Variants in MSRA observed in about 807,000 individuals in gnomAD.
MSRA encodes the protein mitochondrial peptide methionine sulfoxide reductase.
MSRA carries 54 observed loss-of-function variants against 31.3 expected under a neutral mutation model. The observed-to-expected ratio is 1.73, with a 90% CI of 1.39 to 2.17. The LOEUF is 2.17. Among genes scored for constraint, MSRA ranks in the 30% most tolerant of loss-of-function variants. The pLI is 0.00. For synonymous variants in MSRA, 169 were observed against 116.5 expected (o/e 1.45, Z -2.90); for missense variants, 507 against 300.9 (o/e 1.69, Z -5.07).
intron 5 of MSRA, chr8:10,337,011 G>A (rs1803090672): frequency 6.6e-6 from 1 of 152,134 alleles, no homozygotes; most frequent in African/African-American, 2.4e-5. Flanking sequence ...GAAAACAATG[G>A]TAAAGACCAC....
chr8:10,239,374 A>G (rs1249611549), intron 2 of MSRA, among the ~76,000 whole-genome samples: 1 of 152,170 alleles, frequency 6.6e-6, no homozygotes, highest in South Asian at 2.1e-4. Flanking sequence ...ATTGGCCAGG[A>G]TGGCCTCGAT....
At chr8:10,423,819 G>T (rs968346318) in intron 5 of MSRA, among the ~76,000 whole-genome samples, 3 of 152,204 alleles carry the variant, frequency 2.0e-5, no homozygotes, top group African/African-American at 7.2e-5. Flanking sequence ...TAGAGGAGGT[G>T]CTGGGTCTTG....
At chr8:10,318,332 AAAGACCT>A (rs1801843333) in intron 4 of MSRA, among the ~76,000 whole-genome samples, 1 of 152,170 alleles carries the variant, frequency 6.6e-6, no homozygotes, top group Admixed American at 6.5e-5. Flanking sequence ...AAATGATGGC[AAAGACCT>A]CGCACAGGGA....
At chr8:10,296,167 T>C (rs10095201) in intron 3 of MSRA, among the ~76,000 whole-genome samples, 5,220 of 152,170 alleles carry the variant, frequency 0.034, 217 homozygotes, top group African/African-American at 0.1. Context: ...CCCAGACCAG[T>C]AGTACACACA....
chr8:10,273,176 G>A (rs757649223), intron 3 of MSRA, among the ~76,000 whole-genome samples: 1 of 152,182 alleles, frequency 6.6e-6, no homozygotes, highest in African/African-American at 2.4e-5. Flanking sequence ...CTAAGTTATA[G>A]TGAGTTGTTC....
chr8:10,423,884 T>C (rs1396292747), intron 5 of MSRA, among the ~76,000 whole-genome samples: 1 of 152,052 alleles, frequency 6.6e-6, no homozygotes, highest in African/African-American at 2.4e-5. Flanking sequence ...CTCCAGGAGA[T>C]CCCAAGAATC....
At chr8:10,267,803 T>C (rs2129098120) in intron 3 of MSRA, among the ~76,000 whole-genome samples, 1 of 152,308 alleles carries the variant, frequency 6.6e-6, no homozygotes, top group Admixed American at 6.5e-5. Context: ...TGAGAGGACA[T>C]GCTCTCCATG....
intron 1 of MSRA, among the ~76,000 whole-genome samples, chr8:10,156,749 A>G (rs911590879): frequency 1.3e-5 from 2 of 149,028 alleles, no homozygotes; most frequent in African/African-American, 2.5e-5. Context: ...ATGGAATAGA[A>G]TTTTCCAGTC....
chr8:10,189,420 T>C (rs1807328852), intron 1 of MSRA, among the ~76,000 whole-genome samples: 1 of 152,220 alleles, frequency 6.6e-6, no homozygotes, highest in South Asian at 2.1e-4. Flanking sequence ...CTAGCTTCAT[T>C]CCTAATTTAA....
chr8:10,104,678 C>G (rs974653183), intron 1 of MSRA, among the ~76,000 whole-genome samples: 1 of 152,144 alleles, frequency 6.6e-6, no homozygotes, highest in African/African-American at 2.4e-5. Flanking sequence ...TGTTTCTTAT[C>G]AGACTTAAGG....
At chr8:10,080,959 C>T (rs1258884768) in intron 1 of MSRA, among the ~76,000 whole-genome samples, 1 of 152,184 alleles carries the variant, frequency 6.6e-6, no homozygotes, top group Non-Finnish European at 1.5e-5. Context: ...AAGGCATAGT[C>T]CAGATAAACT....
At chr8:10,179,313 G>C (rs1289181719) in intron 1 of MSRA, among the ~76,000 whole-genome samples, 1 of 152,148 alleles carries the variant, frequency 6.6e-6, no homozygotes, top group African/African-American at 2.4e-5. Context: ...AGGAAGACAG[G>C]GTTCATCTTC....
At chr8:10,105,328 G>T (rs369511698) in intron 1 of MSRA, among the ~76,000 whole-genome samples, 2 of 152,196 alleles carry the variant, frequency 1.3e-5, no homozygotes, top group Middle Eastern at 3.4e-3. Flanking sequence ...CATGCTTTCC[G>T]ATGAGGCAGA....
intron 1 of MSRA, among the ~76,000 whole-genome samples, chr8:10,158,063 C>T (rs562447490): frequency 1.2e-4 from 19 of 152,306 alleles, no homozygotes; most frequent in Middle Eastern, 3.4e-3. Context: ...GGCACACTTC[C>T]TGCTTCATAG....
chr8:10,241,148 A>G (rs1005283890), intron 2 of MSRA, among the ~76,000 whole-genome samples: 1 of 152,106 alleles, frequency 6.6e-6, no homozygotes, highest in South Asian at 2.1e-4. Context: ...CATGGCTGCC[A>G]TGGTGTGCAC....
chr8:10,278,487 G>A (rs189804420), intron 3 of MSRA, among the ~76,000 whole-genome samples: 3 of 152,332 alleles, frequency 2.0e-5, no homozygotes, highest in Admixed American at 1.3e-4. Flanking sequence ...TCCTTCTGTG[G>A]CTCTGCTATC....
chr8:10,119,517 G>A lies in MSRA; in HGVS notation c.142+64859G>A, dbSNP rs573111265. Among the ~76,000 whole-genome samples, 4 of 152,314 alleles carry A rather than the reference G, an allele frequency of 2.6e-5. No individual in the cohort carries two copies. The East Asian group carries it at 7.7e-4, about 29-fold the overall frequency. Reference sequence around the variant, plus strand: ...CACAGAAAAGCAACCAGGGCGCAAGGTATTTCTGTGTGTATTTGGTTCGCT... The same window carrying A: ...CACAGAAAAGCAACCAGGGCGCAAGATATTTCTGTGTGTATTTGGTTCGCT... On this transcript the variant is annotated intron_variant, in intron 1 of 5. Coordinates refer to ENST00000317173, the MANE Select transcript of MSRA (RefSeq NM_012331.5).
rs562367290 is a variant in MSRA at position 10,213,658 on chromosome 8, G to A, written c.211+5757G>A. Among the ~76,000 whole-genome samples, 24 of 151,876 alleles carry A rather than the reference G, an allele frequency of 1.6e-4. No homozygotes were observed. The South Asian group carries it at 4.0e-3, about 25-fold the overall frequency. ...TCACCATGTTAGCCAGGATGGTCTC[G>A]ATCTCCTGACCTCGTGATCTGCCTG... On this transcript the variant is annotated intron_variant, in intron 2 of 5. Coordinates refer to ENST00000317173, the MANE Select transcript of MSRA (RefSeq NM_012331.5).
At chr8:10,274,120 A>T (rs1297127432) in intron 3 of MSRA, among the ~76,000 whole-genome samples, 3 of 152,212 alleles carry the variant, frequency 2.0e-5, no homozygotes, top group African/African-American at 7.2e-5. Flanking sequence ...TACAAGGCCC[A>T]GTGCTATTAT....
Sources: gnomAD v4.1 joint callset for allele counts (sites outside exome capture counted in the v4.1 genomes callset) on GRCh38, gnomAD v4.1.1 for gene constraint, MANE v1.5 for transcripts, NCBI Gene and HGNC (gene_info 2026-07-23, HGNC 2026-07-21) for gene names.